Variants in LGR5 observed in about 807,000 individuals in gnomAD.
LGR5 encodes leucine-rich repeat-containing G protein-coupled receptor 5.
Under a neutral mutation model 76.7 loss-of-function variants are expected in LGR5, and 54 were observed. That is an observed-to-expected ratio of 0.70 (90% confidence interval 0.57 to 0.88). The LOEUF is 0.88. Among genes scored for constraint, LGR5 ranks in the 40% least tolerant of loss-of-function variants. The probability of loss-of-function intolerance (pLI) is 0.00; values close to 1 mark genes in which losing one functional copy is unlikely to be tolerated. For missense variants in LGR5, 1,078 were observed against 1,073.3 expected (o/e 1.00, Z -0.06); for synonymous variants, 406 against 421.9 (o/e 0.96, Z 0.46).
intron 1 of LGR5, among the ~76,000 whole-genome samples, chr12:71,499,542 G>A (rs535980144): frequency 2.4e-4 from 37 of 152,288 alleles, no homozygotes; most frequent in Non-Finnish European, 4.4e-4. Context: ...AGATTGTGAA[G>A]AGCCTAAGGA....
intron 1 of LGR5, among the ~76,000 whole-genome samples, chr12:71,456,836 G>T (rs892092708): frequency 6.6e-6 from 1 of 152,126 alleles, no homozygotes; most frequent in Non-Finnish European, 1.5e-5. Flanking sequence ...CTTTTTGAAA[G>T]AGCTGAGCAA....
At chr12:71,464,321 G>A (rs1164899110) in intron 1 of LGR5, among the ~76,000 whole-genome samples, 1 of 152,170 alleles carries the variant, frequency 6.6e-6, no homozygotes, top group Non-Finnish European at 1.5e-5. Flanking sequence ...AGGAGGATAG[G>A]AGGGAGGGAG....
In LGR5 at chr12:71,463,129, C is replaced by T. The variant is rs116008930; in HGVS notation, c.212+22837C>T. Among the ~76,000 whole-genome samples, 820 of 152,256 alleles carry T rather than the reference C, an allele frequency of 5.4e-3. 9 individuals are homozygous for T. The highest frequency in any genetic ancestry group is 0.019 in the African/African-American group (781 of 41,540). The stretch of plus-strand genomic sequence containing the variant: ...ATATAAATATTTGAGTGCATTTATA[C>T]TCCAGCCCAGTAGTTTATAACTGGG... On this transcript the variant is annotated intron_variant, in intron 1 of 17. Coordinates refer to ENST00000266674, the MANE Select transcript of LGR5 (RefSeq NM_003667.4).
chr12:71,451,427 A>T (rs1872245585), intron 1 of LGR5, among the ~76,000 whole-genome samples: 1 of 152,176 alleles, frequency 6.6e-6, no homozygotes. Context: ...AGCCATTTCA[A>T]ACTGCATCTT....
intron 2 of LGR5, among the ~76,000 whole-genome samples, chr12:71,521,779 T>C (rs1875739776): frequency 6.6e-6 from 1 of 152,210 alleles, no homozygotes; most frequent in Non-Finnish European, 1.5e-5. Context: ...TTTCAGACAG[T>C]ATTCAAGGCC....
chr12:71,508,062 CAAAAAA>C (rs61662758), intron 2 of LGR5, among the ~76,000 whole-genome samples: 1 of 114,914 alleles, frequency 8.7e-6, no homozygotes, highest in African/African-American at 3.3e-5. Flanking sequence ...TACTAAAATA[CAAAAAA>C]AAAAAAAAAA....
intron 1 of LGR5, among the ~76,000 whole-genome samples, chr12:71,499,362 G>A (rs1295878322): frequency 6.6e-6 from 1 of 152,134 alleles, no homozygotes; most frequent in African/African-American, 2.4e-5. Context: ...CCTTGGAAGA[G>A]ATATGGGGGA....
intron 7 of LGR5, 35 bp downstream of exon 7, chr12:71,559,689 T>C (rs1429990403): frequency 9.2e-7 from 1 of 1,089,732 alleles, no homozygotes; most frequent in African/African-American, 1.6e-5. Flanking sequence ...GGGAGAACTT[T>C]ATCCTTTTGT....
Position 71,583,781 on chromosome 12 carries a change from C to T in LGR5, c.1771C>T (p.Pro591Ser). 12 of 1,614,098 alleles carry T rather than the reference C, an allele frequency of 7.4e-6. No individual in the cohort carries two copies. The highest frequency in any genetic ancestry group is 1.0e-5 in the Non-Finnish European group (12 of 1,180,022). ...TTTCAGATCCCCTCTGTACATTTCC[C>T]CCATTAAACTGTTAATTGGGGTCAT... ...TVFRSPLYIS[P>S]IKLLIGVIAA... Residue 591 changes from proline to serine, a missense_variant, in exon 18 of 18, where the codon CCC (proline) becomes TCC (serine). Transcript: ENST00000266674.
intron 1 of LGR5, among the ~76,000 whole-genome samples, chr12:71,496,719 G>T (rs1015780486): frequency 6.6e-6 from 1 of 151,944 alleles, no homozygotes; most frequent in Non-Finnish European, 1.5e-5. Context: ...CATAAATTGT[G>T]GTGTAATGAT....
At position 71,520,557 on chromosome 12, in the gene LGR5, G is replaced by A. The variant is rs1224967703; in HGVS notation, c.285-3849G>A. Among the ~76,000 whole-genome samples, 4 of 152,112 alleles carry A rather than the reference G, an allele frequency of 2.6e-5. No individual in the cohort carries two copies. In the East Asian group the frequency reaches 7.7e-4, roughly 29 times the overall value. Reference sequence around the variant, plus strand: ...CAGCCATAAAAAAGGATGAGTTTATGTCCTTTGCAGGGACATAGATGAAAC... The same window carrying A: ...CAGCCATAAAAAAGGATGAGTTTATATCCTTTGCAGGGACATAGATGAAAC... On this transcript the variant is annotated intron_variant, in intron 2 of 17. Coordinates refer to ENST00000266674, the MANE Select transcript of LGR5 (RefSeq NM_003667.4).
chr12:71,584,132 G>C lies in LGR5; in HGVS notation c.2122G>C (p.Ala708Pro). 2 of 1,614,116 alleles carry C rather than the reference G, an allele frequency of 1.2e-6. No individual in the cohort carries two copies. The highest frequency in any genetic ancestry group is 1.3e-5 in the African/African-American group (1 of 75,002). ...VPLLGGSKYG[A>P]SPLCLPLPFG... Reference sequence around the variant, plus strand: ...CCTGCTGGGTGGCAGCAAGTATGGCGCCTCCCCTCTCTGCCTGCCTTTGCC... The same window carrying C: ...CCTGCTGGGTGGCAGCAAGTATGGCCCCTCCCCTCTCTGCCTGCCTTTGCC... Residue 708 changes from alanine to proline, a missense_variant, in exon 18 of 18, where the codon GCC (alanine) becomes CCC (proline). Coordinates refer to ENST00000266674, the MANE Select transcript of LGR5 (RefSeq NM_003667.4).
intron 4 of LGR5, among the ~76,000 whole-genome samples, chr12:71,551,023 T>C (rs1381743964): frequency 1.3e-5 from 2 of 152,218 alleles, no homozygotes; most frequent in Non-Finnish European, 2.9e-5. Context: ...TTCTAAACAT[T>C]TGTGGCTCCA....
intron 1 of LGR5, among the ~76,000 whole-genome samples, chr12:71,453,035 G>C (rs528720892): frequency 3.3e-5 from 5 of 152,070 alleles, no homozygotes; most frequent in African/African-American, 1.2e-4. Context: ...TAATTGCCCT[G>C]AATGTTTAAA....
chr12:71,550,205 C>T (rs568504449), intron 4 of LGR5, among the ~76,000 whole-genome samples: 1 of 151,952 alleles, frequency 6.6e-6, no homozygotes, highest in East Asian at 1.9e-4. Flanking sequence ...GGCTGGAATA[C>T]AGTGGCAAGA....
At chr12:71,540,920 A>G (rs1051536822) in intron 4 of LGR5, among the ~76,000 whole-genome samples, 21 of 152,244 alleles carry the variant, frequency 1.4e-4, no homozygotes, top group Non-Finnish European at 2.9e-4. Flanking sequence ...AATAGTCTCC[A>G]GAAACAGAAA....
At chr12:71,498,712 G>A (rs1874448284) in intron 1 of LGR5, among the ~76,000 whole-genome samples, 1 of 152,166 alleles carries the variant, frequency 6.6e-6, no homozygotes, top group African/African-American at 2.4e-5. Context: ...CAAACCTTCA[G>A]TTTATAACAC....
Position 71,577,918 on chromosome 12 carries a change from A to G in LGR5, c.1209-7A>G. ...ATAATTCTCTCATTTGCCTTTTTTTACAATAGGAATTTGGCTTGGAACAAA... is the reference window on the plus strand; with the variant it reads ...ATAATTCTCTCATTTGCCTTTTTTTGCAATAGGAATTTGGCTTGGAACAAA... On this transcript the variant is annotated splice_region_variant and splice_polypyrimidine_tract_variant and intron_variant, in intron 13 of 17. Coordinates refer to ENST00000266674, the MANE Select transcript of LGR5 (RefSeq NM_003667.4). 6.2e-7 allele frequency: 1 copy of G among 1,603,648 alleles called. No homozygotes were observed. Among genetic ancestry groups the G allele is most frequent in the Non-Finnish European group, 8.5e-7 (1 of 1,170,858 alleles).
chr12:71,445,343 G>A lies in LGR5; in HGVS notation c.212+5051G>A, dbSNP rs140136032. Among the ~76,000 whole-genome samples the A allele has an allele frequency of 3.2e-3, 481 of 152,280 alleles. 4 individuals carry two copies. Among genetic ancestry groups the A allele is most frequent in the African/African-American group, 0.011 (453 of 41,584 alleles). On this transcript the variant is annotated intron_variant, in intron 1 of 17. Coordinates refer to ENST00000266674, the MANE Select transcript of LGR5 (RefSeq NM_003667.4). ...GTATATTACAAATAAAACAAAATGA[G>A]CTGAGTATCTAGTCCTGTTGCTATT...
Sources: allele counts gnomAD v4.1 joint callset (sites outside exome capture counted in the v4.1 genomes callset), GRCh38; gene constraint gnomAD v4.1.1; transcripts MANE v1.5; gene names NCBI Gene and HGNC (gene_info 2026-07-23, HGNC 2026-07-21).